The following EPS8 variants were observed in gnomAD, a reference collection of about 807,000 sequenced individuals.
EPS8 encodes the protein EGFR pathway substrate 8, signaling adaptor, also known as epidermal growth factor receptor kinase substrate 8.
In EPS8, 42 loss-of-function variants were observed where a neutral mutation model predicts 103.8. That is an observed-to-expected ratio of 0.40 (90% CI 0.32 to 0.52). EPS8 has a LOEUF of 0.52. Among genes scored for constraint, EPS8 ranks in the 20% least tolerant of loss-of-function variants. EPS8 has a pLI of 0.40. For missense variants in EPS8, 969 were observed against 1,005.1 expected (o/e 0.96, Z 0.49); for synonymous variants, 344 against 344.6 (o/e 1.00, Z 0.02).
intron 19 of EPS8, among the ~76,000 whole-genome samples, chr12:15,623,518 A>C (rs575281704): frequency 1.8e-4 from 28 of 152,296 alleles, no homozygotes; most frequent in South Asian, 8.3e-4. Context: ...AAATGAGCCA[A>C]TTCGGTTTAG....
chr12:15,660,048 T>G (rs1430507769), intron 10 of EPS8, among the ~76,000 whole-genome samples: 1 of 152,210 alleles, frequency 6.6e-6, no homozygotes, highest in East Asian at 1.9e-4. Context: ...AAACTACAGA[T>G]AGATGGTCAC....
In EPS8 at chr12:15,749,651, G is replaced by A. The variant is rs1029130912; in HGVS notation, c.-22+39510C>T. ...AACCATTATGATAGTGGTAGTGGTA[G>A]GAAGAAAAATTAACCTAATCAAAAC... On this transcript the variant is annotated intron_variant, in intron 1 of 20. Coordinates refer to ENST00000281172, the MANE Select transcript of EPS8 (RefSeq NM_004447.6). This position sits in a 1 kb window ranked among gnomAD's most constrained non-coding sequence, Gnocchi z 4.0. Among the ~76,000 whole-genome samples, 2 of 152,030 alleles carry A rather than the reference G, an allele frequency of 1.3e-5. No homozygotes were observed. The highest frequency in any genetic ancestry group is 4.8e-5 in the African/African-American group (2 of 41,368).
intron 1 of EPS8, among the ~76,000 whole-genome samples, chr12:15,720,065 A>G (rs1946577842): frequency 6.6e-6 from 1 of 152,204 alleles, no homozygotes; most frequent in African/African-American, 2.4e-5. Context: ...ACAGACTCAT[A>G]TCCCAACTCC....
chr12:15,629,860 T>A (rs1021749315), intron 18 of EPS8, among the ~76,000 whole-genome samples: 1 of 152,168 alleles, frequency 6.6e-6, no homozygotes. Context: ...ACTGAACAGA[T>A]GTGGCAATAA....
At chr12:15,658,896 A>G (rs1945554937) in intron 10 of EPS8, among the ~76,000 whole-genome samples, 1 of 152,208 alleles carries the variant, frequency 6.6e-6, no homozygotes, top group Non-Finnish European at 1.5e-5. Flanking sequence ...TTAAAAGCTA[A>G]TAAAATACAT....
At chr12:15,666,365 T>C in intron 7 of EPS8, 75 bp downstream of exon 7, 1 of 1,088,220 alleles carries the variant, frequency 9.2e-7, no homozygotes, top group Non-Finnish European at 1.4e-6. Context: ...TAGAAAATAA[T>C]TTTTCTAACT....
At chr12:15,662,696 G>T (rs908587070) in intron 8 of EPS8, 2 of 956,476 alleles carry the variant, frequency 2.1e-6, no homozygotes, top group South Asian at 5.1e-5. Context: ...GGGTATTAAG[G>T]TTGCTCAGTT....
intron 20 of EPS8, 30 bp downstream of exon 20, chr12:15,623,128 A>G: frequency 6.3e-7 from 1 of 1,577,050 alleles, no homozygotes; most frequent in Non-Finnish European, 8.6e-7. Context: ...AATTTGCAGA[A>G]AAACACCACC....
intron 1 of EPS8, among the ~76,000 whole-genome samples, chr12:15,770,288 C>CA (rs367721789): frequency 0.87 from 104,505 of 119,828 alleles, 46,765 homozygotes; most frequent in South Asian, 0.96. Context: ...GACCCTGTCT[C>CA]AAAAAAAAAA....
chr12:15,625,163 T>C (rs540245588), intron 18 of EPS8, among the ~76,000 whole-genome samples: 9 of 152,328 alleles, frequency 5.9e-5, no homozygotes, highest in African/African-American at 1.9e-4. Flanking sequence ...GTTCCTCTAG[T>C]AGTTCTTCCT....
At chr12:15,675,585 C>T (rs1344614038) in intron 3 of EPS8, among the ~76,000 whole-genome samples, 2 of 152,110 alleles carry the variant, frequency 1.3e-5, no homozygotes, top group African/African-American at 2.4e-5. Flanking sequence ...GGCAACAGAG[C>T]GAGACCCTAT....
At chr12:15,624,120 CTG>C in intron 19 of EPS8, 105 bp downstream of exon 19, 1 of 836,690 alleles carries the variant, frequency 1.2e-6, no homozygotes, top group African/African-American at 1.7e-5. Context: ...AGTATGCAGT[CTG>C]TGCCCTTATG....
At chr12:15,685,400 T>C (rs1946078554) in intron 1 of EPS8, among the ~76,000 whole-genome samples, 2 of 152,214 alleles carry the variant, frequency 1.3e-5, no homozygotes, top group Admixed American at 1.3e-4. Flanking sequence ...AGCTGGTTCA[T>C]TCAGTATATA....
In EPS8 at chr12:15,660,649, T is replaced by C; in HGVS notation, c.902A>G (p.Lys301Arg). ...AEAFSELSKR[K>R]KNKKGKRKGP... ...TTTCCTTTTACCTTTCTTGTTTTTC[T>C]TCCTTTTAGAAAGCTCAGAAAATGC... Residue 301 changes from lysine (K) to arginine (R), a missense_variant, in exon 10 of 21, where the codon AAG (lysine) becomes AGG (arginine). Transcript: ENST00000281172. 6.3e-7 allele frequency: 1 copy of C among 1,596,336 alleles called. No homozygotes were observed. The highest frequency in any genetic ancestry group is 1.1e-5 in the South Asian group (1 of 90,556).
chr12:15,733,300 G>A lies in EPS8; in HGVS notation c.-21-50328C>T, dbSNP rs1359956350. 1.3e-5 allele frequency among the ~76,000 whole-genome samples: 2 copies of A among 152,120 alleles called. No individual in the cohort carries two copies. Among genetic ancestry groups the A allele is most frequent in the Non-Finnish European group, 2.9e-5 (2 of 68,034 alleles). On this transcript the variant is annotated intron_variant, in intron 1 of 20. Transcript: ENST00000281172. This position sits in a 1 kb window ranked among gnomAD's most constrained non-coding sequence, Gnocchi z 4.8. ...CAGGTGAGAGGGGACAGTGTGTGAAGGAGGAACTGTCAAACACTTAATAAA... is the reference window on the plus strand; with the variant it reads ...CAGGTGAGAGGGGACAGTGTGTGAAAGAGGAACTGTCAAACACTTAATAAA...
At position 15,703,847 on chromosome 12, in the gene EPS8, GTT is replaced by G. The variant is rs58735135; in HGVS notation, c.-21-20877_-21-20876del. On this transcript the variant is annotated intron_variant, in intron 1 of 20. Transcript: ENST00000281172. ...CACCTGTATTCTGCTCTATGTATTT[GTT>G]TTTTTTTTTTTTTTTTTTTTTGGAA... Among the ~76,000 whole-genome samples, 51 of 61,240 alleles carry G rather than the reference GTT, an allele frequency of 8.3e-4. No homozygotes were observed. In the South Asian group the frequency reaches 0.011, roughly 13 times the overall value. 40.2% of individuals were successfully genotyped at this position (61,240 alleles called of 152,430 possible).
At chr12:15,703,847 GTTTTTT>G (rs58735135) in intron 1 of EPS8, among the ~76,000 whole-genome samples, 68 of 61,244 alleles carry the variant, frequency 1.1e-3, no homozygotes, top group African/African-American at 4.5e-3. Context: ...CTATGTATTT[GTTTTTT>G]TTTTTTTTTT....
At chr12:15,643,285 T>A (rs1945262938) in intron 15 of EPS8, among the ~76,000 whole-genome samples, 1 of 152,156 alleles carries the variant, frequency 6.6e-6, no homozygotes, top group South Asian at 2.1e-4. Flanking sequence ...TATAACAAAT[T>A]TTTTGTTATC....
chr12:15,736,365 G>A lies in EPS8; in HGVS notation c.-22+52796C>T, dbSNP rs1227146004. On this transcript the variant is annotated intron_variant, in intron 1 of 20. Coordinates refer to ENST00000281172, the MANE Select transcript of EPS8 (RefSeq NM_004447.6). This position sits in a 1 kb window ranked among gnomAD's most constrained non-coding sequence, Gnocchi z 4.2. ...AAGTTAACACTACGGAAATACTGAA[G>A]AGAATTTCATTCTTCTGTACAGAGG... Among the ~76,000 whole-genome samples the A allele has an allele frequency of 6.6e-6, 1 of 152,112 alleles. No homozygotes were observed. Among genetic ancestry groups the A allele is most frequent in the East Asian group, 1.9e-4 (1 of 5,196 alleles).
Sources: gnomAD v4.1 joint callset for allele counts (sites outside exome capture counted in the v4.1 genomes callset) on GRCh38, gnomAD v4.1.1 for gene constraint, Gnocchi (gnomAD v3.1) non-coding constraint, MANE v1.5 for transcripts, NCBI Gene and HGNC (gene_info 2026-07-23, HGNC 2026-07-21) for gene names.